Variants in NEK10 observed in about 807,000 individuals in gnomAD.
NEK10 encodes serine/threonine-protein kinase Nek10.
NEK10 carries 122 observed loss-of-function variants against 159.8 expected under a neutral mutation model. That is an observed-to-expected ratio of 0.76 (90% confidence interval 0.66 to 0.89). NEK10 has a LOEUF of 0.89. NEK10 is among the 40% of genes least tolerant of loss of function. The probability of loss-of-function intolerance (pLI) is 0.00; values close to 1 mark genes in which losing one functional copy is unlikely to be tolerated. For missense variants in NEK10, 1,342 were observed against 1,323.1 expected, an observed-to-expected ratio of 1.01 and a Z score of -0.22; for synonymous variants, 466 against 457.1, an observed-to-expected ratio of 1.02 and a Z score of -0.25.
At chr3:27,120,195 C>T (rs1575379300) in intron 32 of NEK10, among the ~76,000 whole-genome samples, 2 of 152,180 alleles carry the variant, frequency 1.3e-5, no homozygotes, top group Non-Finnish European at 2.9e-5. Context: ...TTTTATCAGG[C>T]ATGGGAGGAA....
chr3:27,119,087 G>A (rs1940919139), intron 33 of NEK10, among the ~76,000 whole-genome samples: 1 of 152,190 alleles, frequency 6.6e-6, no homozygotes. Flanking sequence ...GATATGACAA[G>A]AAGAGTTCAA....
intron 22 of NEK10, among the ~76,000 whole-genome samples, chr3:27,278,375 T>C (rs1241611118): frequency 1.3e-5 from 2 of 152,200 alleles, no homozygotes; most frequent in African/African-American, 4.8e-5. Flanking sequence ...AATTGCTGAG[T>C]GAATAACAGA....
rs558872431 is a variant in NEK10 at position 27,336,464 on chromosome 3, A to T, written c.362+7808T>A. On this transcript the variant is annotated intron_variant, in intron 5 of 35. Coordinates refer to ENST00000691995, the MANE Select transcript of NEK10 (RefSeq NM_001394966.1). ...CTCCTGAAACTATTCCAGAAAATTG[A>T]AGAGGAAGGAATTCTCTCTAACTCA... is the stretch of plus-strand genomic sequence containing the variant. Among the ~76,000 whole-genome samples the T allele has an allele frequency of 5.9e-5, 9 of 152,310 alleles. No homozygotes were observed. In the South Asian group the frequency reaches 1.9e-3, roughly 32 times the overall value.
Position 27,111,365 on chromosome 3 carries a change from T to A in NEK10, c.3300-45A>T, listed in dbSNP as rs182186849. On this transcript the variant is annotated intron_variant, in intron 35 of 35. Coordinates refer to ENST00000691995, the MANE Select transcript of NEK10 (RefSeq NM_001394966.1). ...AAAGAATTCTCTATAGTTACAAATATTTTAGTTCATACATTCAATTTCAAA... is the reference window on the plus strand; with the variant it reads ...AAAGAATTCTCTATAGTTACAAATAATTTAGTTCATACATTCAATTTCAAA... 6.0e-4 allele frequency: 865 copies of A among 1,450,110 alleles called. 3 individuals carry two copies. Among genetic ancestry groups the A allele is most frequent in the Admixed American group, 1.9e-3 (92 of 48,354 alleles). 89.8% of individuals were successfully genotyped at this position (1,450,110 alleles called of 1,614,324 possible).
At chr3:27,151,883 G>A (rs992793275) in intron 30 of NEK10, among the ~76,000 whole-genome samples, 6 of 152,090 alleles carry the variant, frequency 3.9e-5, no homozygotes, top group African/African-American at 7.2e-5. Flanking sequence ...CTCAGCAATA[G>A]AATTGAACAA....
chr3:27,364,283 C>A (rs959076176), intron 1 of NEK10, among the ~76,000 whole-genome samples: 1 of 151,198 alleles, frequency 6.6e-6, no homozygotes, highest in Non-Finnish European at 1.5e-5. Context: ...CAAGCGATAG[C>A]GATTCTCCTG....
chr3:27,116,088 T>A lies in NEK10; in HGVS notation c.3230A>T (p.Tyr1077Phe). Residue 1077 changes from tyrosine (Y) to phenylalanine (F), a missense_variant, in exon 34 of 36, where the codon TAT becomes TTT. Tyr to Phe is a conservative substitution (Grantham distance 22, BLOSUM62 3). Coordinates refer to ENST00000691995, the MANE Select transcript of NEK10 (RefSeq NM_001394966.1). ...CAAAAACCTCACCTGCATCTGTTCA[T>A]ATGTTATTCCTTCCTCCAATTCAAT... ...TSIELEEGIT[Y>F]EQMQTVIEEV... 6.2e-7 allele frequency: 1 copy of A among 1,613,642 alleles called. No homozygotes were observed. The highest frequency in any genetic ancestry group is 8.5e-7 in the Non-Finnish European group (1 of 1,179,746).
chr3:27,204,275 C>CTTTTTTTTTTTTTTTTT (rs1203026508), intron 23 of NEK10, among the ~76,000 whole-genome samples: 49 of 63,930 alleles, frequency 7.7e-4, no homozygotes, highest in East Asian at 1.4e-3. Flanking sequence ...GATAAATTTT[C>CTTTTTTTTTTTTTTTTT]TTTTTTTTTT....
rs768498024 is a variant in NEK10 at position 27,308,937 on chromosome 3, A to G, written c.705T>C (p.Ser235=). ...AATACACTACTTACCTTTCTGCTAA[A>G]CTAGCCAGAGCCAGAAGGGAACCCA... The part of the protein sequence containing the change: ...VLLGSLLALA[S]LAESQECREK... Residue 235 remains serine, a synonymous_variant, in exon 10 of 36, where the codon AGT becomes AGC. Coordinates refer to ENST00000691995, the MANE Select transcript of NEK10 (RefSeq NM_001394966.1). The G allele has an allele frequency of 1.9e-6, 3 of 1,582,594 alleles. No homozygotes were observed. In the African/African-American group the frequency reaches 4.0e-5, roughly 21 times the overall value.
At chr3:27,269,930 C>CA (rs1385394732) in intron 22 of NEK10, among the ~76,000 whole-genome samples, 1 of 152,146 alleles carries the variant, frequency 6.6e-6, no homozygotes, top group East Asian at 1.9e-4. Context: ...ATTGTTTCTA[C>CA]AAAAAGTTTA....
intron 22 of NEK10, among the ~76,000 whole-genome samples, chr3:27,258,946 G>GCCC (rs2040143327): frequency 6.6e-6 from 1 of 152,164 alleles, no homozygotes; most frequent in African/African-American, 2.4e-5. Context: ...TTGTGGTTTT[G>GCCC]ATTTGCATTT....
intron 3 of NEK10, 118 bp downstream of exon 3, chr3:27,352,347 G>A: frequency 9.7e-6 from 7 of 721,028 alleles, no homozygotes; most frequent in Non-Finnish European, 1.5e-5. Context: ...AAAGAGCAAA[G>A]ATGTGAATAA....
chr3:27,215,827 A>G (rs535861964), intron 23 of NEK10: 4 of 717,608 alleles, frequency 5.6e-6, no homozygotes, highest in Admixed American at 4.0e-5. Context: ...AGGAGCCAGC[A>G]CGTTTTATGT....
At chr3:27,340,767 C>T (rs994253407) in intron 5 of NEK10, among the ~76,000 whole-genome samples, 1 of 152,108 alleles carries the variant, frequency 6.6e-6, no homozygotes, top group African/African-American at 2.4e-5. Flanking sequence ...CAAATTAGTA[C>T]AACTGCTGTG....
At chr3:27,329,662 A>C (rs1310826086) in intron 5 of NEK10, among the ~76,000 whole-genome samples, 2 of 152,240 alleles carry the variant, frequency 1.3e-5, no homozygotes, top group East Asian at 3.8e-4. Flanking sequence ...AAGAAGCAGT[A>C]AGTCTGGTTA....
intron 6 of NEK10, among the ~76,000 whole-genome samples, chr3:27,316,706 A>G (rs1158421115): frequency 1.3e-5 from 2 of 152,156 alleles, no homozygotes; most frequent in African/African-American, 2.4e-5. Context: ...GACTAACTCA[A>G]TGTTTCCTAA....
At chr3:27,327,258 A>G (rs940806673) in intron 5 of NEK10, among the ~76,000 whole-genome samples, 1 of 151,120 alleles carries the variant, frequency 6.6e-6, no homozygotes, top group Admixed American at 6.6e-5. Flanking sequence ...CATTCAGCAG[A>G]GTGGCATGGG....
intron 26 of NEK10, among the ~76,000 whole-genome samples, chr3:27,176,869 C>A (rs776765158): frequency 6.6e-6 from 1 of 152,114 alleles, no homozygotes; most frequent in Non-Finnish European, 1.5e-5. Context: ...TTTATTCTGT[C>A]GATGCAATTA....
intron 6 of NEK10, among the ~76,000 whole-genome samples, chr3:27,317,690 T>C (rs181235909): frequency 2.2e-4 from 33 of 152,334 alleles, no homozygotes; most frequent in Admixed American, 7.2e-4. Context: ...ACTAAATCAA[T>C]GAATGCTGAA....
Sources: gnomAD v4.1 joint callset for allele counts (sites outside exome capture counted in the v4.1 genomes callset) on GRCh38, gnomAD v4.1.1 for gene constraint, MANE v1.5 for transcripts, NCBI Gene and HGNC (gene_info 2026-07-23, HGNC 2026-07-21) for gene names.